Variants in STK3 observed in about 807,000 individuals in gnomAD.
STK3 encodes serine/threonine-protein kinase 3.
A neutral mutation model predicts 58.0 loss-of-function variants in STK3; 41 were observed. That is an observed-to-expected ratio of 0.71 (90% CI 0.55 to 0.92). STK3 has a LOEUF of 0.92. Among genes scored for constraint, STK3 ranks in the 40% least tolerant of loss-of-function variants. The pLI is 0.00. For synonymous variants in STK3, 170 were observed against 191.0 expected (o/e 0.89, Z 0.91); for missense variants, 479 against 602.7 (o/e 0.79, Z 2.15).
chr8:98,484,536 C>G (rs16897037), intron 10 of STK3, among the ~76,000 whole-genome samples: 1,784 of 152,180 alleles, frequency 0.012, 43 homozygotes, highest in African/African-American at 0.041. Context: ...TATAACAGTA[C>G]AAGTTTATGG....
upstream of STK3, among the ~76,000 whole-genome samples, chr8:98,390,646 G>A (rs1375223801): frequency 1.3e-5 from 2 of 151,412 alleles, no homozygotes; most frequent in East Asian, 3.9e-4. Context: ...AATGCACTTT[G>A]TCTCCTTCCT....
At chr8:98,736,206 T>C (rs1828583206) in intron 4 of STK3, among the ~76,000 whole-genome samples, 2 of 152,276 alleles carry the variant, frequency 1.3e-5, no homozygotes, top group East Asian at 1.9e-4. Context: ...AATTACTAAA[T>C]AGACAACAAA....
chr8:98,660,409 T>A (rs1821877258), intron 6 of STK3, among the ~76,000 whole-genome samples: 1 of 152,040 alleles, frequency 6.6e-6, no homozygotes, highest in Non-Finnish European at 1.5e-5. Context: ...AGATGGTAAA[T>A]TTTTTTAACC....
intron 3 of STK3, among the ~76,000 whole-genome samples, chr8:98,835,007 T>C (rs977688707): frequency 6.6e-6 from 1 of 152,228 alleles, no homozygotes; most frequent in Non-Finnish European, 1.5e-5. Context: ...ATTCATTTTT[T>C]GTTTGTATCA....
intron 1 of STK3, among the ~76,000 whole-genome samples, chr8:98,934,477 A>C (rs1220060394): frequency 6.6e-6 from 1 of 152,242 alleles, no homozygotes; most frequent in East Asian, 1.9e-4. Context: ...GTGAACAAAA[A>C]GGGGCAAGTA....
At chr8:98,891,725 A>G (rs1838207972) in intron 1 of STK3, among the ~76,000 whole-genome samples, 1 of 152,148 alleles carries the variant, frequency 6.6e-6, no homozygotes, top group South Asian at 2.1e-4. Flanking sequence ...TAAGACTTCC[A>G]GCTGTCAAGT....
intron 1 of STK3, among the ~76,000 whole-genome samples, chr8:98,442,147 C>G (rs1453673600): frequency 1.3e-5 from 2 of 152,236 alleles, no homozygotes; most frequent in Non-Finnish European, 2.9e-5. Context: ...GCTCCATTGG[C>G]TCAATTTCCT....
At chr8:98,632,152 A>C (rs1045133848) in intron 6 of STK3, among the ~76,000 whole-genome samples, 1 of 152,238 alleles carries the variant, frequency 6.6e-6, no homozygotes, top group African/African-American at 2.4e-5. Flanking sequence ...AAAATCCATA[A>C]ACCTCGCAAA....
chr8:98,348,921 T>C, the STK3 span, among the ~76,000 whole-genome samples: 2 of 152,276 alleles, frequency 1.3e-5, no homozygotes, highest in Admixed American at 1.3e-4. Context: ...CCAAAAGAAG[T>C]TGAAAACTTA....
At chr8:98,618,413 A>T (rs1817954521) in intron 6 of STK3, among the ~76,000 whole-genome samples, 1 of 152,178 alleles carries the variant, frequency 6.6e-6, no homozygotes, top group African/African-American at 2.4e-5. Flanking sequence ...CAAGATAGGG[A>T]TGCCCTCTCT....
At chr8:98,602,845 G>GT (rs1816468386) in intron 6 of STK3, among the ~76,000 whole-genome samples, 1 of 147,548 alleles carries the variant, frequency 6.8e-6, no homozygotes, top group African/African-American at 2.5e-5. Flanking sequence ...TGAGAAATCA[G>GT]TAAGAAGCAC....
At chr8:98,621,414 A>T (rs1424923831) in intron 6 of STK3, among the ~76,000 whole-genome samples, 1 of 151,864 alleles carries the variant, frequency 6.6e-6, no homozygotes, top group African/African-American at 2.4e-5. Flanking sequence ...TGCCTTTTTG[A>T]GCTGGCAAGA....
chr8:98,617,999 A>G (rs1451782215), intron 6 of STK3, among the ~76,000 whole-genome samples: 1 of 152,068 alleles, frequency 6.6e-6, no homozygotes, highest in Admixed American at 6.5e-5. Flanking sequence ...AGCCGGGCAG[A>G]GACACAACCA....
At chr8:98,404,808 A>G (rs923638965) in intron 3 of STK3, among the ~76,000 whole-genome samples, 6 of 152,050 alleles carry the variant, frequency 3.9e-5, no homozygotes, top group Non-Finnish European at 8.8e-5. Flanking sequence ...CCATGATCGC[A>G]CCACTGTACT....
upstream of STK3, among the ~76,000 whole-genome samples, chr8:98,825,966 T>C (rs1835275730): frequency 6.8e-6 from 1 of 147,636 alleles, no homozygotes; most frequent in East Asian, 2.1e-4. Flanking sequence ...GCGGCCTGGG[T>C]TGGCGGGCGG....
chr8:98,549,412 A>G (rs1810986199), intron 8 of STK3, among the ~76,000 whole-genome samples: 1 of 152,160 alleles, frequency 6.6e-6, no homozygotes, highest in Admixed American at 6.5e-5. Context: ...TCTTCTTTGG[A>G]GAAATATCCA....
At chr8:98,822,483 A>G (rs1834970800) in intron 1 of STK3, among the ~76,000 whole-genome samples, 1 of 152,086 alleles carries the variant, frequency 6.6e-6, no homozygotes, top group Admixed American at 6.6e-5. Context: ...GGCCCTCATT[A>G]TCTTCTGGAT....
Position 98,428,013 on chromosome 8 carries a change from G to C in STK3, n.483+6114C>G. The C allele has an allele frequency of 6.3e-7, 1 of 1,591,312 alleles. No individual in the cohort carries two copies. Among genetic ancestry groups the C allele is most frequent in the Non-Finnish European group, 8.6e-7 (1 of 1,168,012 alleles). On this transcript the variant is annotated intron_variant and non_coding_transcript_variant, in intron 3 of 3. Coordinates refer to the STK3 transcript ENST00000517832. This position sits in a 1 kb window ranked among gnomAD's most constrained non-coding sequence, Gnocchi z 6.7. The stretch of plus-strand genomic sequence containing the variant: ...CCAGAGCCTGTGGGACGTGTCGGAG[G>C]CTAACGTCGAGGACGGGGAGATCCG...
At chr8:98,875,368 G>A (rs1837530140) in intron 3 of STK3, 1 of 152,210 alleles carries the variant, frequency 6.6e-6, no homozygotes, top group African/African-American at 2.4e-5. Flanking sequence ...ATCCCCAACT[G>A]CCTGTTGTCA....
Sources: gnomAD v4.1 joint callset for allele counts (sites outside exome capture counted in the v4.1 genomes callset) on GRCh38, gnomAD v4.1.1 for gene constraint, Gnocchi (gnomAD v3.1) non-coding constraint, MANE v1.5 for transcripts, NCBI Gene and HGNC (gene_info 2026-07-23, HGNC 2026-07-21) for gene names.